Variants in PDE1C observed in about 807,000 individuals in gnomAD.
PDE1C encodes the protein phosphodiesterase 1C.
PDE1C carries 62 observed loss-of-function variants against 93.1 expected under a neutral mutation model. The observed-to-expected ratio is 0.67, with a 90% CI of 0.54 to 0.82. The LOEUF (loss-of-function observed/expected upper bound fraction) is 0.82, where lower values mean the gene tolerates loss of function less well. PDE1C is among the 40% of genes least tolerant of loss of function. The pLI, the probability that PDE1C is intolerant of heterozygous loss-of-function variation, is 0.00. For missense variants in PDE1C, 742 were observed against 884.6 expected (o/e 0.84, Z 2.04); for synonymous variants, 325 against 310.1 (o/e 1.05, Z -0.50).
chr7:31,673,857 T>G, the PDE1C span, among the ~76,000 whole-genome samples: 1 of 152,188 alleles, frequency 6.6e-6, no homozygotes, highest in Non-Finnish European at 1.5e-5. Flanking sequence ...TTAATTAAAC[T>G]CTAAACTGAT....
Position 32,006,506 on chromosome 7 carries a change from A to C in PDE1C, c.128+45048T>G, listed in dbSNP as rs556974492. Among the ~76,000 whole-genome samples, 45 of 152,334 alleles carry C rather than the reference A, an allele frequency of 3.0e-4. No individual in the cohort carries two copies. The South Asian group carries it at 8.5e-3, about 29-fold the overall frequency. ...GGTGTCAGATCCTTCAGACACCACC[A>C]GTAGAACTGGGTCAGAGGCCCTGTG... On this transcript the variant is annotated intron_variant, in intron 2 of 17. Coordinates refer to ENST00000396191, the MANE Select transcript of PDE1C (RefSeq NM_001191057.4).
At chr7:31,824,726 GGAA>G in intron 13 of PDE1C, 138 bp downstream of exon 13, 1 of 1,036,684 alleles carries the variant, frequency 9.6e-7, no homozygotes, top group South Asian at 1.5e-5. Context: ...TCTGAGAAAA[GGAA>G]AGAGGCAGAC....
intron 1 of PDE1C, among the ~76,000 whole-genome samples, chr7:32,295,011 A>G (rs912964949): frequency 1.3e-5 from 2 of 152,234 alleles, no homozygotes; most frequent in African/African-American, 2.4e-5. Context: ...TACCCATTTC[A>G]TGACCTGAGA....
chr7:32,182,282 C>T (rs559082516), intron 2 of PDE1C, among the ~76,000 whole-genome samples: 29 of 152,318 alleles, frequency 1.9e-4, no homozygotes, highest in African/African-American at 6.7e-4. Context: ...AAGAGGAATC[C>T]TTCCCAACTC....
chr7:32,350,597 T>A (rs1378101871), intron 1 of PDE1C, among the ~76,000 whole-genome samples: 2 of 24,848 alleles, frequency 8.0e-5, no homozygotes, highest in African/African-American at 1.5e-4. Context: ...TATATTTTTT[T>A]TTTTTTTTTT....
chr7:31,962,171 G>T (rs1809091836), intron 2 of PDE1C, among the ~76,000 whole-genome samples: 1 of 152,114 alleles, frequency 6.6e-6, no homozygotes, highest in Non-Finnish European at 1.5e-5. Context: ...CTGATCTCTT[G>T]GGCCTCTTTC....
intron 1 of PDE1C, among the ~76,000 whole-genome samples, chr7:32,244,000 C>T (rs1365038266): frequency 2.0e-5 from 3 of 152,200 alleles, no homozygotes; most frequent in Non-Finnish European, 4.4e-5. Flanking sequence ...ATGAGATACG[C>T]TTCCTCTACC....
At chr7:32,103,321 T>G (rs932835076) in intron 3 of PDE1C, among the ~76,000 whole-genome samples, 1 of 152,138 alleles carries the variant, frequency 6.6e-6, no homozygotes, top group African/African-American at 2.4e-5. Flanking sequence ...TGATTCTCAC[T>G]GCAGAACCCT....
intron 2 of PDE1C, among the ~76,000 whole-genome samples, chr7:31,990,573 G>A (rs866601041): frequency 2.6e-5 from 4 of 152,072 alleles, no homozygotes; most frequent in Middle Eastern, 3.4e-3. Context: ...GCTGGGGTTC[G>A]ATTTAAAAAA....
intron 2 of PDE1C, among the ~76,000 whole-genome samples, chr7:32,206,409 T>C (rs546719353): frequency 1.3e-5 from 2 of 152,130 alleles, no homozygotes; most frequent in African/African-American, 4.8e-5. Context: ...GACAGTTGCA[T>C]AAAACAGACA....
the PDE1C span, among the ~76,000 whole-genome samples, chr7:31,647,835 A>G: frequency 1.3e-5 from 2 of 152,180 alleles, no homozygotes; most frequent in African/African-American, 2.4e-5. Context: ...ATAGCAATAT[A>G]TAACACTGCA....
the PDE1C span, chr7:31,695,569 A>G: frequency 6.2e-7 from 1 of 1,614,082 alleles, no homozygotes; most frequent in South Asian, 1.1e-5. Context: ...CAGACCAAAA[A>G]AAACCAAGGA....
chr7:31,782,871 T>C (rs1287634749), intron 16 of PDE1C, among the ~76,000 whole-genome samples: 1 of 152,252 alleles, frequency 6.6e-6, no homozygotes. Context: ...ATAGGCTTTG[T>C]GTTAGGCGAT....
intron 2 of PDE1C, among the ~76,000 whole-genome samples, chr7:32,006,820 G>C (rs1196660761): frequency 6.6e-6 from 1 of 152,192 alleles, no homozygotes; most frequent in Non-Finnish European, 1.5e-5. Flanking sequence ...AAAAAGAAGA[G>C]TGCCATGATG....
intron 3 of PDE1C, among the ~76,000 whole-genome samples, chr7:32,076,642 C>CAAAAAAAAAAAAAAA (rs869181797): frequency 2.5e-5 from 1 of 40,420 alleles, no homozygotes; most frequent in African/African-American, 9.6e-5. Context: ...GACTCCATCT[C>CAAAAAAAAAAAAAAA]AAAAAAAAAA....
chr7:32,369,564 T>C (rs1421891763), intron 1 of PDE1C, among the ~76,000 whole-genome samples: 4 of 152,210 alleles, frequency 2.6e-5, no homozygotes, highest in Admixed American at 6.5e-5. Flanking sequence ...ACAGCCACTT[T>C]AGAGAATAGT....
intron 3 of PDE1C, among the ~76,000 whole-genome samples, chr7:32,118,074 G>T (rs1244294548): frequency 6.6e-6 from 1 of 152,208 alleles, no homozygotes; most frequent in Non-Finnish European, 1.5e-5. Context: ...CTAAGGGTTG[G>T]ATTCCCAGAG....
chr7:32,282,201 G>T (rs899514970), intron 1 of PDE1C, among the ~76,000 whole-genome samples: 1 of 151,942 alleles, frequency 6.6e-6, no homozygotes. Flanking sequence ...GGTCGGCCGG[G>T]TGTGGTGGCT....
At chr7:32,083,848 G>C (rs1796874875) in intron 3 of PDE1C, among the ~76,000 whole-genome samples, 1 of 152,060 alleles carries the variant, frequency 6.6e-6, no homozygotes, top group Non-Finnish European at 1.5e-5. Flanking sequence ...GCTCCTAAAG[G>C]AAGCACTAAA....
Sources: gnomAD v4.1 joint callset for allele counts (sites outside exome capture counted in the v4.1 genomes callset) on GRCh38, gnomAD v4.1.1 for gene constraint, MANE v1.5 for transcripts, NCBI Gene and HGNC (gene_info 2026-07-23, HGNC 2026-07-21) for gene names.